Variants in SRPX observed in about 807,000 individuals in gnomAD.
The protein encoded by SRPX is sushi repeat-containing protein SRPX.
Under a neutral mutation model 38.1 loss-of-function variants are expected in SRPX, and 24 were observed. The observed-to-expected ratio is 0.63, with a 90% CI of 0.46 to 0.89. The LOEUF (loss-of-function observed/expected upper bound fraction) is 0.89, where lower values mean the gene tolerates loss of function less well. Among genes scored for constraint, SRPX ranks in the 40% least tolerant of loss-of-function variants. SRPX has a pLI of 0.00. For synonymous variants in SRPX, 184 were observed against 153.8 expected (o/e 1.20, Z -1.45); for missense variants, 416 against 377.8 (o/e 1.10, Z -0.84).
intron 1 of SRPX, among the ~76,000 whole-genome samples, chrX:38,217,728 T>C (rs1005794476): frequency 1.8e-5 from 2 of 111,885 alleles, no homozygotes; most frequent in African/African-American, 6.5e-5. Context: ...GTTATAGCAA[T>C]AATCTAAAAG....
In SRPX at chrX:38,174,219, C is replaced by A; in HGVS notation, c.290G>T (p.Gly97Val). The A allele has an allele frequency of 8.7e-7, 1 of 1,148,282 alleles. No homozygotes were observed. The highest frequency in any genetic ancestry group is 1.2e-6 in the Non-Finnish European group (1 of 866,370). The allele number at this position is 1,148,282 out of a possible 1,213,427, so 94.6% of individuals were successfully genotyped here. ...TGACTGGCAGATCAGTAGGGAAGAGCCATGCAGCTCGTAGCCCTTCTGGCA... is the reference window on the plus strand; with the variant it reads ...TGACTGGCAGATCAGTAGGGAAGAGACATGCAGCTCGTAGCCCTTCTGGCA... ...IRCQKGYELH[G>V]SSLLICQSNK... is the part of the protein sequence containing the mutation. The change falls in exon 3 of 10, where the codon GGC (glycine) becomes GTC (valine). Residue 97 changes from glycine to valine, a missense_variant. Coordinates refer to ENST00000378533, the MANE Select transcript of SRPX (RefSeq NM_006307.5).
At chrX:38,150,770 T>C (rs1011934076) in intron 9 of SRPX, among the ~76,000 whole-genome samples, 2 of 112,142 alleles carry the variant, frequency 1.8e-5, no homozygotes, top group East Asian at 2.8e-4. Flanking sequence ...CAAAAAAGAA[T>C]ATGAAGTGGT....
intron 3 of SRPX, among the ~76,000 whole-genome samples, chrX:38,173,667 G>A (rs768933474): frequency 3.8e-4 from 42 of 111,344 alleles, no homozygotes; most frequent in African/African-American, 1.4e-3. Flanking sequence ...TCAGGCTGGT[G>A]TCGAACTCCT....
chrX:38,197,724 C>T (rs558880991), intron 1 of SRPX, among the ~76,000 whole-genome samples: 10 of 111,792 alleles, frequency 8.9e-5, no homozygotes, highest in African/African-American at 1.6e-4. Context: ...AGATTTGTAG[C>T]CTGAAGAAAA....
At chrX:38,218,939 C>T (rs773324355) in intron 1 of SRPX, among the ~76,000 whole-genome samples, 1 of 111,153 alleles carries the variant, frequency 9.0e-6, no homozygotes, top group African/African-American at 3.3e-5. Context: ...AGCTTCAGCT[C>T]ATTTGTGGTC....
chrX:38,149,590 A>C lies in SRPX; in HGVS notation c.*121T>G. 1.3e-6 allele frequency: 1 copy of C among 745,893 alleles called. No individual in the cohort carries two copies. The highest frequency in any genetic ancestry group is 1.8e-6 in the Non-Finnish European group (1 of 546,682). 61.5% of individuals were successfully genotyped at this position (745,893 alleles called of 1,213,427 possible). On this transcript the variant is annotated 3_prime_UTR_variant, in exon 10 of 10. Transcript: ENST00000378533. ...TTTTTAAGTGCAAAGAAAGCTCATAATAAAATAGACTTTTAAAATTACAAA... is the reference window on the plus strand; with the variant it reads ...TTTTTAAGTGCAAAGAAAGCTCATACTAAAATAGACTTTTAAAATTACAAA...
intron 1 of SRPX, among the ~76,000 whole-genome samples, chrX:38,188,911 A>G (rs1938840434): frequency 1.8e-5 from 2 of 112,249 alleles, no homozygotes; most frequent in Non-Finnish European, 3.8e-5. Context: ...TTGAAAACCT[A>G]CATTTGTTAA....
At chrX:38,220,572 G>T in intron 1 of SRPX, 124 bp downstream of exon 1, 1 of 1,025,325 alleles carries the variant, frequency 9.8e-7, no homozygotes. Context: ...GGCTGCGAAA[G>T]AGGAGTTCTG....
intron 1 of SRPX, among the ~76,000 whole-genome samples, chrX:38,217,109 C>T (rs1367450164): frequency 4.4e-5 from 5 of 112,412 alleles, no homozygotes; most frequent in African/African-American, 1.3e-4. Flanking sequence ...TAATCCATTA[C>T]GCACAAATAT....
intron 1 of SRPX, among the ~76,000 whole-genome samples, chrX:38,217,335 T>A (rs751696625): frequency 8.9e-6 from 1 of 112,116 alleles, no homozygotes; most frequent in African/African-American, 3.2e-5. Context: ...TGCTTCCCAT[T>A]GGAGCGATCA....
At chrX:38,202,239 C>T (rs184270861) in intron 1 of SRPX, among the ~76,000 whole-genome samples, 9 of 111,422 alleles carry the variant, frequency 8.1e-5, no homozygotes, top group Non-Finnish European at 1.5e-4. Flanking sequence ...TTGGTCTTCC[C>T]CTTGCTCAAT....
At chrX:38,218,566 A>G (rs1460673480) in intron 1 of SRPX, among the ~76,000 whole-genome samples, 1 of 112,498 alleles carries the variant, frequency 8.9e-6, no homozygotes, top group Non-Finnish European at 1.9e-5. Context: ...ATTCACGTGC[A>G]GATAGTTACA....
chrX:38,177,265 A>G (rs769746965), intron 2 of SRPX, among the ~76,000 whole-genome samples: 32 of 111,868 alleles, frequency 2.9e-4, no homozygotes, highest in Non-Finnish European at 4.9e-4. Context: ...ATGGAGATAG[A>G]AACTATAGGT....
intron 8 of SRPX, among the ~76,000 whole-genome samples, chrX:38,156,694 G>A (rs915494732): frequency 1.8e-5 from 2 of 112,458 alleles, no homozygotes; most frequent in East Asian, 2.8e-4. Context: ...GTTGGAAAAC[G>A]ATTGGGTTAA....
At chrX:38,217,117 T>C (rs1334946254) in intron 1 of SRPX, among the ~76,000 whole-genome samples, 1 of 112,298 alleles carries the variant, frequency 8.9e-6, no homozygotes, top group Non-Finnish European at 1.9e-5. Context: ...TACGCACAAA[T>C]ATCCATGTGG....
chrX:38,195,674 A>T (rs369886216), intron 1 of SRPX, among the ~76,000 whole-genome samples: 1 of 111,809 alleles, frequency 8.9e-6, no homozygotes, highest in African/African-American at 3.3e-5. Context: ...AGCCTCAAGT[A>T]CTGAGAGAGT....
intron 1 of SRPX, among the ~76,000 whole-genome samples, chrX:38,216,315 G>A (rs6521110): frequency 0.37 from 41,272 of 111,756 alleles, 5,881 homozygotes; most frequent in East Asian, 0.48. Context: ...AGAAAGCTAC[G>A]AGAGAGAAGA....
chrX:38,160,402 A>T (rs1264224505), intron 6 of SRPX, among the ~76,000 whole-genome samples: 6 of 112,101 alleles, frequency 5.4e-5, no homozygotes, highest in Non-Finnish European at 1.1e-4. Flanking sequence ...ACTGATATCA[A>T]CTGGTTTCGC....
intron 1 of SRPX, among the ~76,000 whole-genome samples, chrX:38,206,507 C>G (rs1939214470): frequency 8.9e-6 from 1 of 112,179 alleles, no homozygotes; most frequent in African/African-American, 3.2e-5. Flanking sequence ...CATTCAGTGA[C>G]CTAGAGAGTT....
Sources: gnomAD v4.1 joint callset for allele counts (sites outside exome capture counted in the v4.1 genomes callset) on GRCh38, gnomAD v4.1.1 for gene constraint, MANE v1.5 for transcripts, NCBI Gene and HGNC (gene_info 2026-07-23, HGNC 2026-07-21) for gene names.